The following SV2C variants were observed in gnomAD, a reference collection of about 807,000 sequenced individuals.
The protein encoded by SV2C is synaptic vesicle glycoprotein 2C, also known as solute carrier family 22 member B3.
In SV2C, 49 loss-of-function variants were observed where a neutral mutation model predicts 79.7. The ratio of observed to expected loss-of-function variants is 0.61; its 90% CI spans 0.49 to 0.78. The LOEUF (loss-of-function observed/expected upper bound fraction) is 0.78. Ranked by LOEUF, SV2C falls within the 30% of genes least tolerant of loss-of-function variation. The probability of loss-of-function intolerance (pLI) is 0.00; values close to 1 mark genes in which losing one functional copy is unlikely to be tolerated. For missense variants in SV2C, 833 were observed against 912.9 expected (o/e 0.91, Z 1.13); for synonymous variants, 334 against 333.2 (o/e 1.00, Z -0.03).
At chr5:76,311,461 G>A (rs1349536069) in intron 12 of SV2C, 1 of 152,240 alleles carries the variant, frequency 6.6e-6, no homozygotes, top group Non-Finnish European at 1.5e-5. Context: ...TTGATTGTGA[G>A]GCTGGAAAGA....
chr5:76,138,911 G>A (rs910974395), intron 2 of SV2C, among the ~76,000 whole-genome samples: 1 of 152,178 alleles, frequency 6.6e-6, no homozygotes, highest in Non-Finnish European at 1.5e-5. Context: ...GAAGTCAGGA[G>A]ATTTAGACCA....
Position 76,177,791 on chromosome 5 carries a change from G to A in SV2C, c.581-17128G>A, listed in dbSNP as rs1743587099. ...TCTTCTGTTCTTGGTGGTTTAAACA[G>A]AGGTCACTCAGTGGTATTTTGCTGG... On this transcript the variant is annotated intron_variant, in intron 2 of 12. Transcript: ENST00000502798. Among the ~76,000 whole-genome samples, 5 of 149,934 alleles carry A rather than the reference G, an allele frequency of 3.3e-5. No individual in the cohort carries two copies. In the South Asian group the frequency reaches 1.1e-3, roughly 32 times the overall value.
At chr5:76,103,265 TTGATGTATTATTCACCTGCATC>T (rs1747801170) in intron 1 of SV2C, among the ~76,000 whole-genome samples, 1 of 152,136 alleles carries the variant, frequency 6.6e-6, no homozygotes, top group Non-Finnish European at 1.5e-5. Context: ...GAGAGAAACT[TTGATGTATTATTCACCTGCATC>T]TGAGCTTATT....
intron 4 of SV2C, among the ~76,000 whole-genome samples, chr5:76,280,055 G>A (rs1178633505): frequency 6.6e-6 from 1 of 152,174 alleles, no homozygotes; most frequent in Non-Finnish European, 1.5e-5. Context: ...AGTTCTCTCT[G>A]TGTTTATTTC....
the SV2C span, chr5:75,921,492 G>A: frequency 2.5e-6 from 2 of 800,658 alleles, no homozygotes; most frequent in South Asian, 1.3e-5. Context: ...GTTGAACTTA[G>A]GGTTCTTGCA....
chr5:76,050,833 G>A, the SV2C span, among the ~76,000 whole-genome samples: 1 of 152,148 alleles, frequency 6.6e-6, no homozygotes, highest in African/African-American at 2.4e-5. Flanking sequence ...TAGTTTGGAA[G>A]GATGTGATTT....
chr5:76,347,067 G>C (rs539557571), intron 12 of SV2C, among the ~76,000 whole-genome samples: 3 of 152,302 alleles, frequency 2.0e-5, no homozygotes, highest in African/African-American at 7.2e-5. Context: ...GAAAAAAGAG[G>C]GGGGAAAAAC....
the SV2C span, among the ~76,000 whole-genome samples, chr5:75,970,039 A>G: frequency 2.6e-5 from 4 of 152,146 alleles, no homozygotes; most frequent in African/African-American, 9.7e-5. Context: ...CCGCTCATCT[A>G]CATGGAAACT....
At chr5:76,319,427 GAA>G (rs1012300756) in intron 12 of SV2C, among the ~76,000 whole-genome samples, 20 of 151,640 alleles carry the variant, frequency 1.3e-4, no homozygotes, top group Non-Finnish European at 2.9e-4. Flanking sequence ...CAAAAAAAAA[GAA>G]AAAAAGAAAA....
At chr5:75,896,250 T>C in the SV2C span, among the ~76,000 whole-genome samples, 1 of 143,040 alleles carries the variant, frequency 7.0e-6, no homozygotes, top group Non-Finnish European at 1.5e-5. Context: ...AGTGTGATGT[T>C]CCCCTTCCTG....
intron 12 of SV2C, among the ~76,000 whole-genome samples, chr5:76,313,354 A>G (rs891011952): frequency 1.3e-5 from 2 of 152,040 alleles, no homozygotes; most frequent in East Asian, 1.9e-4. Context: ...CCTTATCATT[A>G]TATTATATAT....
intron 12 of SV2C, among the ~76,000 whole-genome samples, chr5:76,320,153 CTTTT>C (rs34287027): frequency 1.5e-5 from 2 of 135,546 alleles, no homozygotes; most frequent in African/African-American, 2.7e-5. Flanking sequence ...TCTCGTCTTC[CTTTT>C]TTTTTTTTTT....
At chr5:75,959,394 A>G in the SV2C span, among the ~76,000 whole-genome samples, 2 of 151,984 alleles carry the variant, frequency 1.3e-5, no homozygotes, top group African/African-American at 4.8e-5. Flanking sequence ...CCTGTTTAAC[A>G]TCTCATGTGG....
intron 2 of SV2C, among the ~76,000 whole-genome samples, chr5:76,171,710 G>A (rs1212145660): frequency 2.2e-5 from 3 of 137,384 alleles, no homozygotes; most frequent in East Asian, 2.5e-4. Context: ...GGAGGGAGGT[G>A]GGGGGGTCAG....
At chr5:76,001,650 A>G in the SV2C span, among the ~76,000 whole-genome samples, 1 of 152,162 alleles carries the variant, frequency 6.6e-6, no homozygotes, top group Non-Finnish European at 1.5e-5. Context: ...AAAGTTGTAA[A>G]TACGCTATTT....
chr5:76,003,426 A>G, the SV2C span, among the ~76,000 whole-genome samples: 32 of 152,184 alleles, frequency 2.1e-4, no homozygotes, highest in Non-Finnish European at 4.1e-4. Flanking sequence ...TTCATGGGCT[A>G]TTATTATAAT....
At chr5:76,090,732 C>G (rs912164699) in intron 1 of SV2C, among the ~76,000 whole-genome samples, 5 of 152,168 alleles carry the variant, frequency 3.3e-5, no homozygotes, top group African/African-American at 9.7e-5. Context: ...TTCTAAGATG[C>G]TATCTCTTCC....
At chr5:75,954,052 C>A in the SV2C span, among the ~76,000 whole-genome samples, 1 of 151,876 alleles carries the variant, frequency 6.6e-6, no homozygotes, top group African/African-American at 2.4e-5. Flanking sequence ...CAATAAGGAG[C>A]CTACTGCCAG....
At chr5:76,287,516 G>A (rs940189652) in intron 6 of SV2C, among the ~76,000 whole-genome samples, 7 of 151,996 alleles carry the variant, frequency 4.6e-5, no homozygotes, top group African/African-American at 1.2e-4. Context: ...CCCTCCCTCC[G>A]GACACTAAGG....
Sources: gnomAD v4.1 joint callset for allele counts (sites outside exome capture counted in the v4.1 genomes callset) on GRCh38, gnomAD v4.1.1 for gene constraint, MANE v1.5 for transcripts, NCBI Gene and HGNC (gene_info 2026-07-23, HGNC 2026-07-21) for gene names.